Variants in CHST11 observed in about 807,000 individuals in gnomAD.
CHST11 encodes C4S-1.
Under a neutral mutation model 30.4 loss-of-function variants are expected in CHST11, and 9 were observed. The ratio of observed to expected loss-of-function variants is 0.30; its 90% CI spans 0.18 to 0.52. The LOEUF (loss-of-function observed/expected upper bound fraction) is 0.52, where lower values mean the gene tolerates loss of function less well. CHST11 is among the 20% of genes least tolerant of loss of function. The pLI is 0.97. For missense variants in CHST11, 348 were observed against 460.6 expected, an observed-to-expected ratio of 0.76 and a Z score of 2.24; for synonymous variants, 152 against 187.8, an observed-to-expected ratio of 0.81 and a Z score of 1.56.
At chr12:104,546,242 G>A (rs553949506) in intron 1 of CHST11, among the ~76,000 whole-genome samples, 6 of 152,054 alleles carry the variant, frequency 3.9e-5, no homozygotes, top group Non-Finnish European at 7.4e-5. Context: ...GGCTTAGGTA[G>A]GAGGATCACC....
At chr12:104,484,478 C>A (rs1211593899) in intron 1 of CHST11, among the ~76,000 whole-genome samples, 3 of 152,226 alleles carry the variant, frequency 2.0e-5, no homozygotes, top group Admixed American at 1.3e-4. Context: ...ATGCTATTCA[C>A]ACCTGAGATA....
intron 2 of CHST11, among the ~76,000 whole-genome samples, chr12:104,670,276 C>T (rs531075901): frequency 8.6e-4 from 131 of 152,272 alleles, no homozygotes; most frequent in African/African-American, 3.0e-3. Context: ...AGAGCGAGTC[C>T]TCAAAACCAA....
chr12:104,493,942 G>T (rs546558324), intron 1 of CHST11, among the ~76,000 whole-genome samples: 1 of 152,244 alleles, frequency 6.6e-6, no homozygotes, highest in East Asian at 1.9e-4. Flanking sequence ...TCCCACCCCA[G>T]CCTCCCAAGT....
chr12:104,631,044 T>C (rs2039265139), intron 2 of CHST11, among the ~76,000 whole-genome samples: 1 of 152,202 alleles, frequency 6.6e-6, no homozygotes, highest in South Asian at 2.1e-4. Context: ...CCTGGGAATT[T>C]GCCCCACGAA....
intron 1 of CHST11, among the ~76,000 whole-genome samples, chr12:104,517,672 C>G (rs969776984): frequency 3.3e-5 from 5 of 152,144 alleles, no homozygotes; most frequent in Non-Finnish European, 2.9e-5. Flanking sequence ...CACCCTACTT[C>G]AGAGGCTGTA....
At chr12:104,524,039 C>CTTT (rs10594720) in intron 1 of CHST11, among the ~76,000 whole-genome samples, 5 of 128,030 alleles carry the variant, frequency 3.9e-5, no homozygotes, top group African/African-American at 5.8e-5. Flanking sequence ...TTCTTTCTTT[C>CTTT]TTTTTTTTTT....
chr12:104,489,519 G>A lies in CHST11; in HGVS notation c.118+31990G>A, dbSNP rs555698695. ...TTTTGAGATGGAGTCTCACTCTGTC[G>A]CCAGGCTGGAGTGCAGTGGCACGAT... On this transcript the variant is annotated intron_variant, in intron 1 of 2. Coordinates refer to ENST00000303694, the MANE Select transcript of CHST11 (RefSeq NM_018413.6). 5.3e-4 allele frequency among the ~76,000 whole-genome samples: 79 copies of A among 149,884 alleles called. 1 individual carries two copies. Among genetic ancestry groups the A allele is most frequent in the African/African-American group, 1.7e-3 (71 of 40,760 alleles).
At chr12:104,738,191 G>C (rs1009285799) in intron 2 of CHST11, among the ~76,000 whole-genome samples, 2 of 152,162 alleles carry the variant, frequency 1.3e-5, no homozygotes, top group Non-Finnish European at 2.9e-5. Context: ...TTCTTCAGCA[G>C]ACCGGCCTGC....
intron 1 of CHST11, among the ~76,000 whole-genome samples, chr12:104,553,659 T>C (rs1235683380): frequency 6.6e-6 from 1 of 151,886 alleles, no homozygotes; most frequent in Non-Finnish European, 1.5e-5. Flanking sequence ...GAGAACTCAC[T>C]ATCATGAGAA....
At chr12:104,584,392 G>T (rs922643706) in intron 1 of CHST11, among the ~76,000 whole-genome samples, 7 of 151,866 alleles carry the variant, frequency 4.6e-5, no homozygotes, top group African/African-American at 1.7e-4. Context: ...CAGTAGCTGG[G>T]ACTACGGGTA....
chr12:104,748,228 A>C (rs2040403685), intron 2 of CHST11, among the ~76,000 whole-genome samples: 1 of 152,200 alleles, frequency 6.6e-6, no homozygotes, highest in Non-Finnish European at 1.5e-5. Context: ...TTTGTAATTA[A>C]GTATAGCTGT....
intron 2 of CHST11, among the ~76,000 whole-genome samples, chr12:104,637,081 T>C (rs182799300): frequency 2.0e-4 from 31 of 151,824 alleles, no homozygotes; most frequent in African/African-American, 7.5e-4. Flanking sequence ...GGCAGGTGGA[T>C]TGCTTGATCC....
chr12:104,552,940 A>G (rs1182361975), intron 1 of CHST11: 5 of 152,200 alleles, frequency 3.3e-5, no homozygotes, highest in East Asian at 1.9e-4. Flanking sequence ...CCTATCTCCA[A>G]GGGTCCCACT....
chr12:104,645,532 G>A (rs543300162), intron 2 of CHST11, among the ~76,000 whole-genome samples: 3 of 152,318 alleles, frequency 2.0e-5, no homozygotes, highest in South Asian at 2.1e-4. Flanking sequence ...GGGCACCGCA[G>A]TTGTCTTTAT....
At chr12:104,513,916 G>C in intron 1 of CHST11, 1 of 490,372 alleles carries the variant, frequency 2.0e-6, no homozygotes, top group South Asian at 2.0e-5. Flanking sequence ...TGTTTGTGTT[G>C]CTATAAAGGA....
At chr12:104,573,167 T>C (rs1465326000) in intron 1 of CHST11, among the ~76,000 whole-genome samples, 1 of 152,150 alleles carries the variant, frequency 6.6e-6, no homozygotes, top group Non-Finnish European at 1.5e-5. Flanking sequence ...GTGAAGGACC[T>C]CTTCAAGGAG....
chr12:104,731,468 TC>T (rs2040257256), intron 2 of CHST11, among the ~76,000 whole-genome samples: 2 of 152,290 alleles, frequency 1.3e-5, no homozygotes, highest in Admixed American at 1.3e-4. Flanking sequence ...GAAAGGCTTC[TC>T]CCGGTTTTAT....
intron 1 of CHST11, among the ~76,000 whole-genome samples, chr12:104,550,378 G>A (rs1209498600): frequency 6.6e-6 from 1 of 152,202 alleles, no homozygotes; most frequent in African/African-American, 2.4e-5. Flanking sequence ...AAAATGTCCT[G>A]CTTTGAAAAC....
At chr12:104,674,418 G>A (rs1377919517) in intron 2 of CHST11, among the ~76,000 whole-genome samples, 2 of 152,148 alleles carry the variant, frequency 1.3e-5, no homozygotes, top group Non-Finnish European at 2.9e-5. Context: ...GGAAGGTGCT[G>A]TTACAATCCA....
Sources: gnomAD v4.1 joint callset for allele counts (sites outside exome capture counted in the v4.1 genomes callset) on GRCh38, gnomAD v4.1.1 for gene constraint, MANE v1.5 for transcripts, NCBI Gene and HGNC (gene_info 2026-07-23, HGNC 2026-07-21) for gene names.